Variants in IDI2 observed in about 807,000 individuals in gnomAD.
IDI2 encodes the protein isopentenyl-diphosphate delta-isomerase 2.
IDI2 carries 18 observed loss-of-function variants against 14.8 expected under a neutral mutation model. The ratio of observed to expected loss-of-function variants is 1.22; its 90% CI spans 0.84 to 1.80. The LOEUF is 1.80. IDI2 is among the 40% of genes most tolerant of loss of function. The pLI, the probability that IDI2 is intolerant of heterozygous loss-of-function variation, is 0.00. For missense variants in IDI2, 316 were observed against 283.2 expected, an observed-to-expected ratio of 1.12 and a Z score of -0.83; for synonymous variants, 133 against 109.6, an observed-to-expected ratio of 1.21 and a Z score of -1.33.
rs185943719 is a variant in IDI2, at chr10:1,024,313, A to G, written c.142+269T>C. 1.4e-3 allele frequency among the ~76,000 whole-genome samples: 207 copies of G among 152,320 alleles called. 1 individual carries two copies. Among genetic ancestry groups the G allele is most frequent in the African/African-American group, 4.8e-3 (199 of 41,560 alleles). On this transcript the variant is annotated intron_variant, in intron 2 of 4. Coordinates refer to ENST00000277517, the MANE Select transcript of IDI2 (RefSeq NM_033261.3). ...CAAGGTCAGGGTTCTCGCTAAAACA[A>G]CCTGGTAGAATTCTTGCTGAAACAG...
Position 1,019,293 on chromosome 10 carries a change from T to A in IDI2, c.*224A>T. 2.0e-6 allele frequency: 1 copy of A among 509,744 alleles called. No individual in the cohort carries two copies. The highest frequency in any genetic ancestry group is 3.5e-6 in the Non-Finnish European group (1 of 287,136). The allele number at this position is 509,744 out of a possible 1,614,324, so 31.6% of individuals were successfully genotyped here. The stretch of plus-strand genomic sequence containing the variant: ...ATGGAAATTGGGACAAAGGAAATGT[T>A]AAATTTCCTCCCTGCAACCAGGCAG... On this transcript the variant is annotated 3_prime_UTR_variant, in exon 5 of 5. Transcript: ENST00000277517.
chr10:1,019,435 TGGAGAGGG>T lies in IDI2; in HGVS notation c.*74_*81del. 8.8e-7 allele frequency: 1 copy of T among 1,135,242 alleles called. No homozygotes were observed. The highest frequency in any genetic ancestry group is 1.2e-6 in the Non-Finnish European group (1 of 809,086). The allele number at this position is 1,135,242 out of a possible 1,614,324, so 70.3% of individuals were successfully genotyped here. On this transcript the variant is annotated 3_prime_UTR_variant, in exon 5 of 5. Transcript: ENST00000277517. ...CAAGTGCCCCTTTTGCCCTGTTTTT[TGGAGAGGG>T]TGTATCATTGCCTCAATGGTGCGTC...
At chr10:1,023,466 A>G (rs1832152922) in intron 2 of IDI2, among the ~76,000 whole-genome samples, 1 of 147,548 alleles carries the variant, frequency 6.8e-6, no homozygotes, top group African/African-American at 2.5e-5. Flanking sequence ...ATGGAGCAAG[A>G]CTCTGTCTCA....
chr10:1,025,769 A>G (rs1832206563), intron 1 of IDI2, 47 bp downstream of exon 1: 1 of 152,204 alleles, frequency 6.6e-6, no homozygotes, highest in Admixed American at 6.5e-5. Flanking sequence ...GTACAAATTT[A>G]GATCATAAAA....
chr10:1,020,263 G>A (rs189973190), intron 4 of IDI2, among the ~76,000 whole-genome samples: 3 of 149,074 alleles, frequency 2.0e-5, no homozygotes, highest in East Asian at 3.9e-4. Flanking sequence ...TCGCTCTGTC[G>A]CCAGGCTGGA....
Position 1,019,420 on chromosome 10 carries a change from T to G in IDI2, c.*97A>C. 3.3e-6 allele frequency: 3 copies of G among 920,828 alleles called. No individual in the cohort carries two copies. The highest frequency in any genetic ancestry group is 4.8e-6 in the Non-Finnish European group (3 of 619,590). The allele number at this position is 920,828 out of a possible 1,614,324, so 57.0% of individuals were successfully genotyped here. On this transcript the variant is annotated 3_prime_UTR_variant, in exon 5 of 5. Coordinates refer to ENST00000277517, the MANE Select transcript of IDI2 (RefSeq NM_033261.3). ...TACATGATGGGCAATCAAGTGCCCC[T>G]TTTGCCCTGTTTTTTGGAGAGGGTG...
chr10:1,021,026 GT>G (rs1832087687), intron 3 of IDI2, 129 bp from the exon 4 acceptor site: 1 of 1,010,020 alleles, frequency 9.9e-7, no homozygotes, highest in East Asian at 2.7e-5. Context: ...GGGGGAGTGG[GT>G]TTGTCATGGG....
chr10:1,022,711 C>G lies in IDI2; in HGVS notation c.207G>C (p.Gln69His), dbSNP rs1399672727. 6.2e-7 allele frequency: 1 copy of G among 1,614,118 alleles called. No individual in the cohort carries two copies. Among genetic ancestry groups the G allele is most frequent in the South Asian group, 1.1e-5 (1 of 91,084 alleles). Reference sequence around the variant, plus strand: ...GAAACGTGACTTTCGTGTCCGACCTCTGCTGTATCAGGATTCGATTCTTGG... The same window carrying G: ...GAAACGTGACTTTCGTGTCCGACCTGTGCTGTATCAGGATTCGATTCTTGG... ...FNTKNRILIQ[Q>H]RSDTKVTFPG... The change falls in exon 3 of 5, where the codon CAG becomes CAC. Residue 69 changes from glutamine (Q) to histidine (H), a missense_variant. Transcript: ENST00000277517.
At chr10:1,024,106 C>T (rs892593280) in intron 2 of IDI2, among the ~76,000 whole-genome samples, 2 of 152,178 alleles carry the variant, frequency 1.3e-5, no homozygotes, top group African/African-American at 2.4e-5. Context: ...CCATGGAGAA[C>T]CAGCCTAACT....
chr10:1,025,061 C>T (rs1027746809), intron 1 of IDI2, among the ~76,000 whole-genome samples: 1 of 142,634 alleles, frequency 7.0e-6, no homozygotes, highest in Non-Finnish European at 1.5e-5. Flanking sequence ...CAAAACACAC[C>T]GAGGTAAACT....
In IDI2 at chr10:1,019,505, C is replaced by A; in HGVS notation, c.*12G>T. On this transcript the variant is annotated 3_prime_UTR_variant, in exon 5 of 5. Coordinates refer to ENST00000277517, the MANE Select transcript of IDI2 (RefSeq NM_033261.3). ...AGGGCATTACACATGGCTGACTCGA[C>A]CTCCCTGCCTCTCACACTCTGTGTA... The A allele has an allele frequency of 6.2e-7, 1 of 1,603,878 alleles. No homozygotes were observed.
rs13377037 is a variant in IDI2, at chr10:1,022,699, C to T, written c.219G>A (p.Thr73=). 0.079 allele frequency: 128,125 copies of T among 1,613,340 alleles called. 5,426 individuals carry two copies. The highest frequency in any genetic ancestry group is 0.13 in the African/African-American group (9,960 of 74,976). ...NRILIQQRSD[T]KVTFPGYFTD... Reference sequence around the variant, plus strand: ...CGGACTCACCAGGAAACGTGACTTTCGTGTCCGACCTCTGCTGTATCAGGA... The same window carrying T: ...CGGACTCACCAGGAAACGTGACTTTTGTGTCCGACCTCTGCTGTATCAGGA... The change falls in exon 3 of 5, where the codon ACG becomes ACA. Residue 73 remains threonine (T), a synonymous_variant. Transcript: ENST00000277517.
chr10:1,020,798 A>T lies in IDI2; in HGVS notation c.335T>A (p.Leu112Gln). ...IGVRRAAQRR[L>Q]QAELGIPGEQ... is the part of the protein sequence containing the mutation. Reference sequence around the variant, plus strand: ...CCCAGGAATTCCCAGCTCTGCTTGCAGACGCCTCTGGGCTGCCCTCCTCAC... The same window carrying T: ...CCCAGGAATTCCCAGCTCTGCTTGCTGACGCCTCTGGGCTGCCCTCCTCAC... The change falls in exon 4 of 5, where the codon CTG (leucine) becomes CAG (glutamine). Residue 112 changes from leucine to glutamine, a missense_variant. Coordinates refer to ENST00000277517, the MANE Select transcript of IDI2 (RefSeq NM_033261.3). The T allele has an allele frequency of 6.2e-7, 1 of 1,613,446 alleles. No individual in the cohort carries two copies. Among genetic ancestry groups the T allele is most frequent in the East Asian group, 2.2e-5 (1 of 44,882 alleles).
intron 2 of IDI2, among the ~76,000 whole-genome samples, chr10:1,023,968 GAC>G (rs1341383962): frequency 2.6e-5 from 4 of 152,068 alleles, no homozygotes; most frequent in Non-Finnish European, 5.9e-5. Context: ...TTATAAAAAA[GAC>G]ACAAAAATGA....
intron 3 of IDI2, 80 bp downstream of exon 3, chr10:1,022,603 G>T (rs1258631311): frequency 3.7e-6 from 4 of 1,094,550 alleles, no homozygotes; most frequent in Non-Finnish European, 5.6e-6. Flanking sequence ...CTGAGCACCA[G>T]AGAGTTCCTG....
At chr10:1,023,369 G>A (rs34884971) in intron 2 of IDI2, among the ~76,000 whole-genome samples, 28,093 of 151,722 alleles carry the variant, frequency 0.19, 2,756 homozygotes, top group Non-Finnish European at 0.21. Flanking sequence ...CAAGCTACTC[G>A]GGAGGCTGAG....
At chr10:1,022,500 A>G in intron 3 of IDI2, 183 bp downstream of exon 3, 1 of 492,044 alleles carries the variant, frequency 2.0e-6, no homozygotes, top group African/African-American at 1.9e-5. Context: ...AAAAAAGAAA[A>G]CCCAGCCTAC....
At chr10:1,025,027 C>CACAG (rs1024172825) in intron 1 of IDI2, among the ~76,000 whole-genome samples, 3 of 29,488 alleles carry the variant, frequency 1.0e-4, no homozygotes, top group African/African-American at 4.3e-4. Context: ...CACACACACA[C>CACAG]ACACACACAC....
chr10:1,020,441 G>C (rs973995678), intron 4 of IDI2, among the ~76,000 whole-genome samples: 12 of 151,900 alleles, frequency 7.9e-5, no homozygotes, highest in Non-Finnish European at 1.5e-5. Flanking sequence ...CGCCCGCCTC[G>C]GCCTCCCAAA....
Sources: allele counts gnomAD v4.1 joint callset (sites outside exome capture counted in the v4.1 genomes callset), GRCh38; gene constraint gnomAD v4.1.1; transcripts MANE v1.5; gene names NCBI Gene and HGNC (gene_info 2026-07-23, HGNC 2026-07-21).